Variants in DMWD observed in about 807,000 individuals in gnomAD.
DMWD encodes dystrophia myotonica WD repeat-containing protein.
A neutral mutation model predicts 45.8 loss-of-function variants in DMWD; 19 were observed. The observed-to-expected ratio is 0.41, with a 90% CI of 0.29 to 0.61. DMWD has a LOEUF of 0.61. Ranked by LOEUF, DMWD falls within the 20% of genes least tolerant of loss-of-function variation. The probability of loss-of-function intolerance (pLI) is 0.25; values close to 1 mark genes in which losing one functional copy is unlikely to be tolerated. For synonymous variants in DMWD, 515 were observed against 440.5 expected (o/e 1.17, Z -2.12); for missense variants, 802 against 965.2 (o/e 0.83, Z 2.24).
chr19:45,783,579 G>C lies in DMWD; in HGVS notation c.*664C>G, dbSNP rs989208060. 1 of 398,642 alleles carries C rather than the reference G, an allele frequency of 2.5e-6. No homozygotes were observed. Among genetic ancestry groups the C allele is most frequent in the African/African-American group, 2.1e-5 (1 of 48,604 alleles). The allele number at this position is 398,642 out of a possible 1,614,324, so 24.7% of individuals were successfully genotyped here. A position where few individuals can be genotyped will look rare whatever the true frequency, so the allele number is the denominator to read the frequency against. On this transcript the variant is annotated 3_prime_UTR_variant, in exon 5 of 5. Transcript: ENST00000270223. Reference sequence around the variant, plus strand: ...TGACTCGCAGGTCCGTTCCCTCCCTGGGCTCCGGCTTTTCCTGCTATGAAA... The same window carrying C: ...TGACTCGCAGGTCCGTTCCCTCCCTCGGCTCCGGCTTTTCCTGCTATGAAA...
intron 2 of DMWD, among the ~76,000 whole-genome samples, chr19:45,788,176 C>T (rs1295510226): frequency 6.6e-6 from 1 of 152,242 alleles, no homozygotes; most frequent in Admixed American, 6.5e-5. Context: ...TGGCCTCAGG[C>T]TCCAATGCCT....
Position 45,783,017 on chromosome 19 carries a change from G to A in DMWD, c.*1226C>T, listed in dbSNP as rs1970202056. The A allele has an allele frequency of 1.4e-5, 2 of 145,488 alleles. No individual in the cohort carries two copies. The highest frequency in any genetic ancestry group is 6.9e-5 in the Admixed American group (1 of 14,436). The allele number at this position is 145,488 out of a possible 1,614,324, so 9.0% of individuals were successfully genotyped here. A position where few individuals can be genotyped will look rare whatever the true frequency, so the allele number is the denominator to read the frequency against. On this transcript the variant is annotated 3_prime_UTR_variant, in exon 5 of 5. Transcript: ENST00000270223. ...TTTTTTTTTTTTTTTTTCCCAGGAG[G>A]TGGGGAAGGGGTGGTGAGGACAGGA... is the stretch of plus-strand genomic sequence containing the variant.
At position 45,785,671 on chromosome 19, in the gene DMWD, G is replaced by T; in HGVS notation, c.1825C>A (p.Leu609Ile). ...ATGATGCAGTCCTCCAGGAACAGGA[G>T]GACTGTGAGCCGCTCCTGGGCGATC... ...KKIAQERLTV[L>I]LFLEDCIITA... is the part of the protein sequence containing the mutation. The change falls in exon 3 of 5, where the codon CTC becomes ATC. Residue 609 changes from leucine (L) to isoleucine (I), a missense_variant. Physicochemically the swap from Leu to Ile is conservative, Grantham distance 5. Coordinates refer to ENST00000270223, the MANE Select transcript of DMWD (RefSeq NM_004943.2). The T allele has an allele frequency of 6.3e-7, 1 of 1,587,488 alleles. No homozygotes were observed. The highest frequency in any genetic ancestry group is 1.3e-5 in the African/African-American group (1 of 74,288).
At position 45,783,356 on chromosome 19, in the gene DMWD, T is replaced by G; in HGVS notation, c.*887A>C. On this transcript the variant is annotated 3_prime_UTR_variant, in exon 5 of 5. Transcript: ENST00000270223. ...CAACCGGCCTGGGGTGCCTGGGCCTTGAGAGGGCCAGGCCTGAGAAACTAG... is the reference window on the plus strand; with the variant it reads ...CAACCGGCCTGGGGTGCCTGGGCCTGGAGAGGGCCAGGCCTGAGAAACTAG... 13 of 380,040 alleles carry G rather than the reference T, an allele frequency of 3.4e-5. No homozygotes were observed. The highest frequency in any genetic ancestry group is 2.8e-5 in the Non-Finnish European group (6 of 214,832). 23.5% of individuals were successfully genotyped at this position (380,040 alleles called of 1,614,324 possible).
intron 2 of DMWD, chr19:45,789,818 C>A (rs1213359280): frequency 1.3e-5 from 2 of 152,214 alleles, no homozygotes; most frequent in Admixed American, 6.5e-5. Flanking sequence ...GTGTTTGAGA[C>A]CAGCCTGGCC....
chr19:45,787,234 C>A, intron 2 of DMWD: 1 of 317,568 alleles, frequency 3.1e-6, no homozygotes, highest in Non-Finnish European at 6.0e-6. Context: ...AGGAACCAGG[C>A]CATGCAGCAG....
chr19:45,782,952 T>C lies in DMWD; in HGVS notation c.*1291A>G, dbSNP rs1970199035. 1 of 148,564 alleles carries C rather than the reference T, an allele frequency of 6.7e-6. No homozygotes were observed. Among genetic ancestry groups the C allele is most frequent in the Non-Finnish European group, 1.5e-5 (1 of 67,500 alleles). 9.2% of individuals were successfully genotyped at this position (148,564 alleles called of 1,614,324 possible). On this transcript the variant is annotated 3_prime_UTR_variant, in exon 5 of 5. Coordinates refer to ENST00000270223, the MANE Select transcript of DMWD (RefSeq NM_004943.2). The stretch of plus-strand genomic sequence containing the variant: ...ATGGATTCCGACTCGGACAGTTAAA[T>C]TTAGCCCTCAGGCTCTCTGCTTTAT...
Position 45,792,746 on chromosome 19 carries a change from C to T in DMWD, c.11G>A (p.Gly4Asp). ...GGGGCCCGAGCCGCCCTCCGCGCCG[C>T]CCGCCGCCATCTTGGGCGCCCCCCG... Reference protein sequence around the residue: MAAGGAEGGSGPGA... With the variant: MAADGAEGGSGPGA... Residue 4 changes from glycine to aspartate, a missense_variant, in exon 1 of 5, where the codon GGC becomes GAC. Physicochemically the swap from Gly to Asp is moderately conservative, Grantham distance 94. Around this residue, in one of 9 missense-constraint regions of DMWD, gnomAD observed 151 missense variants for 128.1 expected, o/e 1.18. Transcript: ENST00000270223. 8.8e-7 allele frequency: 1 copy of T among 1,141,434 alleles called. No homozygotes were observed. Among genetic ancestry groups the T allele is most frequent in the South Asian group, 3.9e-5 (1 of 25,846 alleles). The allele number at this position is 1,141,434 out of a possible 1,614,324, so 70.7% of individuals were successfully genotyped here.
chr19:45,790,302 C>A (rs2146274925), intron 2 of DMWD: 1 of 149,334 alleles, frequency 6.7e-6, no homozygotes, highest in East Asian at 2.0e-4. Context: ...CAGAGTGAGA[C>A]TCCGCCTTAA....
chr19:45,786,945 C>T, intron 2 of DMWD, 74 bp from the exon 3 acceptor site: 1 of 1,534,974 alleles, frequency 6.5e-7, no homozygotes. Flanking sequence ...ACCCAAAGTC[C>T]CCAAGAAGGC....
Position 45,792,506 on chromosome 19 carries a change from C to A in DMWD, c.251G>T (p.Gly84Val). Reference protein sequence around the residue: ...AGPASSPPPAGPGPGPALPAV... With the variant: ...AGPASSPPPAVPGPGPALPAV... Reference sequence around the variant, plus strand: ...GGGCAGGGCGGGCCCGGGTCCGGGGCCTGCGGGCGGCGGGGACGACGCGGG... The same window carrying A: ...GGGCAGGGCGGGCCCGGGTCCGGGGACTGCGGGCGGCGGGGACGACGCGGG... Residue 84 changes from glycine to valine, a missense_variant, in exon 1 of 5, where the codon GGC (glycine) becomes GTC (valine). By Grantham distance (109) the Gly-to-Val change is moderately radical. Transcript: ENST00000270223. 2 of 1,152,962 alleles carry A rather than the reference C, an allele frequency of 1.7e-6. No individual in the cohort carries two copies. Among genetic ancestry groups the A allele is most frequent in the Non-Finnish European group, 1.1e-6 (1 of 934,082 alleles). The allele number at this position is 1,152,962 out of a possible 1,614,324, so 71.4% of individuals were successfully genotyped here. A position where few individuals can be genotyped will look rare whatever the true frequency, so the allele number is the denominator to read the frequency against.
At chr19:45,788,958 C>T (rs1970320018) in intron 2 of DMWD, among the ~76,000 whole-genome samples, 1 of 151,936 alleles carries the variant, frequency 6.6e-6, no homozygotes, top group African/African-American at 2.4e-5. Flanking sequence ...ATGCCCTTCC[C>T]CAGGCAACTC....
In DMWD at chr19:45,786,088, G is replaced by A. The variant is rs750164844; in HGVS notation, c.1408C>T (p.Pro470Ser). ...RTLPGTPGTT[P>S]PAASSSRGGE... The stretch of plus-strand genomic sequence containing the variant: ...CCCCTCGAGCTGCTGGCGGCCGGTG[G>A]CGTGGTGCCAGGTGTGCCAGGGAGG... Residue 470 changes from proline (P) to serine (S), a missense_variant, in exon 3 of 5, where the codon CCA (proline) becomes TCA (serine). Coordinates refer to ENST00000270223, the MANE Select transcript of DMWD (RefSeq NM_004943.2). The A allele has an allele frequency of 2.9e-5, 44 of 1,519,518 alleles. No homozygotes were observed. The highest frequency in any genetic ancestry group is 4.8e-5 in the East Asian group (2 of 41,558). 94.1% of individuals were successfully genotyped at this position (1,519,518 alleles called of 1,614,324 possible).
chr19:45,786,329 T>C lies in DMWD; in HGVS notation c.1167A>G (p.Ala389=). 3.1e-6 allele frequency: 5 copies of C among 1,606,834 alleles called. No individual in the cohort carries two copies. Among genetic ancestry groups the C allele is most frequent in the Non-Finnish European group, 3.4e-6 (4 of 1,174,962 alleles). Residue 389 remains alanine, a synonymous_variant, in exon 3 of 5, where the codon GCA becomes GCG. Coordinates refer to ENST00000270223, the MANE Select transcript of DMWD (RefSeq NM_004943.2). ...YTTRAEEAAT[A]AGADGERSGE... ...CGCTCCGCTCCCCATCAGCACCGGCTGCTGTCGCCGCCTCCTCTGCCCTTG... is the reference window on the plus strand; with the variant it reads ...CGCTCCGCTCCCCATCAGCACCGGCCGCTGTCGCCGCCTCCTCTGCCCTTG...
At position 45,783,912 on chromosome 19, in the gene DMWD, C is replaced by T; in HGVS notation, c.*331G>A. On this transcript the variant is annotated 3_prime_UTR_variant, in exon 5 of 5. Transcript: ENST00000270223. ...ACTCAACTGAGGGGCACACTGCAGA[C>T]CTGGGGCTCTTGTGGCAGGGGCGGG... The T allele has an allele frequency of 1.9e-6, 1 of 534,698 alleles. No individual in the cohort carries two copies. The highest frequency in any genetic ancestry group is 3.3e-6 in the Non-Finnish European group (1 of 306,372). The allele number at this position is 534,698 out of a possible 1,614,324, so 33.1% of individuals were successfully genotyped here. A position where few individuals can be genotyped will look rare whatever the true frequency, so the allele number is the denominator to read the frequency against.
rs1970282560 is a variant in DMWD at position 45,786,620 on chromosome 19, G to T, written c.876C>A (p.Phe292Leu). 6.2e-7 allele frequency: 1 copy of T among 1,613,520 alleles called. No individual in the cohort carries two copies. The highest frequency in any genetic ancestry group is 1.7e-5 in the Admixed American group (1 of 59,994). ...VGEGPLNEFA[F>L]SPDGRHLACV... is the part of the protein sequence containing the mutation. ...AGGCCAGGTGCCGGCCATCGGGCGA[G>T]AAGGCGAACTCGTTGAGGGGCCCCT... The change falls in exon 3 of 5, where the codon TTC becomes TTA. Residue 292 changes from phenylalanine (F) to leucine (L), a missense_variant. Phe to Leu is a conservative substitution (Grantham distance 22). This residue lies in a region of DMWD where 146 missense variants were observed against 212.8 expected (regional missense o/e 0.69). Transcript: ENST00000270223.
At position 45,783,047 on chromosome 19, in the gene DMWD, G is replaced by A. The variant is rs919520714; in HGVS notation, c.*1196C>T. 1.3e-5 allele frequency: 2 copies of A among 148,654 alleles called. No homozygotes were observed. The highest frequency in any genetic ancestry group is 3.0e-5 in the Non-Finnish European group (2 of 67,708). 9.2% of individuals were successfully genotyped at this position (148,654 alleles called of 1,614,324 possible). A position where few individuals can be genotyped will look rare whatever the true frequency, so the allele number is the denominator to read the frequency against. ...GAAGGGGTGGTGAGGACAGGACCAG[G>A]AGGGGGCACCCTCAGAGCCTGAACA... On this transcript the variant is annotated 3_prime_UTR_variant, in exon 5 of 5. Transcript: ENST00000270223.
At position 45,785,798 on chromosome 19, in the gene DMWD, G is replaced by A. The variant is rs1379568340; in HGVS notation, c.1698C>T (p.Gly566=). The part of the protein sequence containing the change: ...GSGSGGEKPS[G]PVPRSRLDPA... ...GGTCCAGGCGGCTGCGGGGAACAGG[G>A]CCGCTGGGCTTCTCCCCACCACTGC... Residue 566 remains glycine (G), a synonymous_variant, in exon 3 of 5, where the codon GGC becomes GGT. Coordinates refer to ENST00000270223, the MANE Select transcript of DMWD (RefSeq NM_004943.2). 5 of 1,611,946 alleles carry A rather than the reference G, an allele frequency of 3.1e-6. No homozygotes were observed. The highest frequency in any genetic ancestry group is 1.7e-4 in the Middle Eastern group (1 of 6,046).
At chr19:45,785,304 T>C in intron 3 of DMWD, 1 of 1,191,844 alleles carries the variant, frequency 8.4e-7, no homozygotes, top group Non-Finnish European at 1.0e-6. Context: ...CAGTAAGACC[T>C]GGCCATGTGG....
Sources: allele counts gnomAD v4.1 joint callset (sites outside exome capture counted in the v4.1 genomes callset), GRCh38; gene constraint gnomAD v4.1.1; regional missense constraint gnomAD v4.1.1; transcripts MANE v1.5; gene names NCBI Gene and HGNC (gene_info 2026-07-23, HGNC 2026-07-21).